The following CADM1 variants were observed in gnomAD, a reference collection of about 807,000 sequenced individuals.
CADM1 encodes the protein cell adhesion molecule 1, also known as TSLC-1.
A neutral mutation model predicts 53.1 loss-of-function variants in CADM1; 15 were observed. That is an observed-to-expected ratio of 0.28 (90% CI 0.19 to 0.44). The LOEUF (loss-of-function observed/expected upper bound fraction) is 0.44, where lower values mean the gene tolerates loss of function less well. CADM1 is among the 20% of genes least tolerant of loss of function. The pLI is 1.00. For missense variants in CADM1, 434 were observed against 611.3 expected, an observed-to-expected ratio of 0.71 and a Z score of 3.06; for synonymous variants, 281 against 243.0, an observed-to-expected ratio of 1.16 and a Z score of -1.45.
At chr11:115,350,564 A>T (rs1413765720) in intron 1 of CADM1, among the ~76,000 whole-genome samples, 1 of 150,132 alleles carries the variant, frequency 6.7e-6, no homozygotes, top group African/African-American at 2.4e-5. Context: ...ATATTTAAAC[A>T]TCAAATAGGA....
At position 115,398,130 on chromosome 11, in the gene CADM1, C is replaced by G. The variant is rs761902256; in HGVS notation, c.124+106141G>C. On this transcript the variant is annotated intron_variant, in intron 1 of 11. Transcript: ENST00000331581. ...TTCAAATTTCCTTAATCCCCTCTTC[C>G]GTGAGGTTTCTGCATTCAATGGCAG... 4.6e-5 allele frequency among the ~76,000 whole-genome samples: 7 copies of G among 152,276 alleles called. No individual in the cohort carries two copies. The South Asian group carries it at 1.4e-3, about 32-fold the overall frequency.
chr11:115,229,462 A>G (rs1419256751), intron 4 of CADM1, among the ~76,000 whole-genome samples, 191 bp from the exon 5 acceptor site: 1 of 152,206 alleles, frequency 6.6e-6, no homozygotes, highest in Non-Finnish European at 1.5e-5. Flanking sequence ...ATGACTTTTC[A>G]ACCAGGCAGC....
intron 1 of CADM1, among the ~76,000 whole-genome samples, chr11:115,348,796 AT>A (rs1945649900): frequency 6.6e-6 from 1 of 152,228 alleles, no homozygotes; most frequent in African/African-American, 2.4e-5. Flanking sequence ...GAAATAAAAC[AT>A]GATTAATTTC....
intron 1 of CADM1, among the ~76,000 whole-genome samples, chr11:115,416,673 A>G (rs112332569): frequency 6.7e-6 from 1 of 149,694 alleles, no homozygotes; most frequent in African/African-American, 2.5e-5. Context: ...AACCCCCTTC[A>G]TGCTGGTCAG....
intron 8 of CADM1, among the ~76,000 whole-genome samples, chr11:115,206,719 C>T (rs1940698353): frequency 7.9e-6 from 1 of 125,870 alleles, no homozygotes; most frequent in South Asian, 2.6e-4. Context: ...TCAGTTATTG[C>T]ATTTGACTGG....
At chr11:115,435,381 T>A (rs1948160229) in intron 1 of CADM1, among the ~76,000 whole-genome samples, 2 of 152,126 alleles carry the variant, frequency 1.3e-5, no homozygotes, top group Non-Finnish European at 2.9e-5. Context: ...ATCAAAAGAA[T>A]AATATTTCAT....
At chr11:115,501,554 C>T (rs894723003) in intron 1 of CADM1, among the ~76,000 whole-genome samples, 2 of 152,178 alleles carry the variant, frequency 1.3e-5, no homozygotes, top group Non-Finnish European at 2.9e-5. Context: ...TGAGCTTAAG[C>T]AAACCCATTT....
At chr11:115,394,065 T>G (rs187437319) in intron 1 of CADM1, among the ~76,000 whole-genome samples, 1 of 152,286 alleles carries the variant, frequency 6.6e-6, no homozygotes, top group Admixed American at 6.5e-5. Context: ...TAAAACAAAT[T>G]CAAACATTTA....
At chr11:115,412,372 T>A (rs1447975621) in intron 1 of CADM1, among the ~76,000 whole-genome samples, 5 of 152,074 alleles carry the variant, frequency 3.3e-5, no homozygotes, top group Admixed American at 6.6e-5. Flanking sequence ...TTTTTTAAAA[T>A]TTTTTTAGAG....
intron 1 of CADM1, among the ~76,000 whole-genome samples, chr11:115,260,696 G>A (rs965374618): frequency 4.6e-5 from 7 of 151,370 alleles, no homozygotes; most frequent in South Asian, 2.1e-4. Context: ...TTTTTCAGAC[G>A]GGGTCTCGCT....
intron 1 of CADM1, among the ~76,000 whole-genome samples, chr11:115,312,500 A>T (rs1944558038): frequency 6.6e-6 from 1 of 152,172 alleles, no homozygotes; most frequent in South Asian, 2.1e-4. Context: ...CTTATAGTAA[A>T]TCATACTCAG....
chr11:115,190,803 G>T, intron 10 of CADM1, 85 bp downstream of exon 10: 1 of 1,173,884 alleles, frequency 8.5e-7, no homozygotes, highest in Non-Finnish European at 1.2e-6. Context: ...TGATTGCTCA[G>T]CAAACCAAAT....
chr11:115,175,069 A>G lies in CADM1; in HGVS notation c.*1405T>C. On this transcript the variant is annotated 3_prime_UTR_variant, in exon 12 of 12. Coordinates refer to ENST00000331581, the MANE Select transcript of CADM1 (RefSeq NM_001301043.2). ...AGATGGTTCTTAAGGCTGAGGAAAGAGGCCAAGGCTAGTGTATGAAAGGTA... is the reference window on the plus strand; with the variant it reads ...AGATGGTTCTTAAGGCTGAGGAAAGGGGCCAAGGCTAGTGTATGAAAGGTA... 1 of 985,880 alleles carries G rather than the reference A, an allele frequency of 1.0e-6. No individual in the cohort carries two copies. The highest frequency in any genetic ancestry group is 1.2e-6 in the Non-Finnish European group (1 of 829,928). The allele number at this position is 985,880 out of a possible 1,614,324, so 61.1% of individuals were successfully genotyped here.
At chr11:115,329,808 T>C (rs1591714142) in intron 1 of CADM1, among the ~76,000 whole-genome samples, 2 of 151,934 alleles carry the variant, frequency 1.3e-5, no homozygotes. Context: ...GCAGGATGGA[T>C]AGGGAGCCGG....
chr11:115,196,623 A>AAAAAAAAAAAAAACC (rs1565291008), intron 9 of CADM1, among the ~76,000 whole-genome samples: 1 of 140,110 alleles, frequency 7.1e-6, no homozygotes, highest in Admixed American at 7.5e-5. Context: ...AAAAAAAATC[A>AAAAAAAAAAAAAACC]CAAAACAATC....
chr11:115,396,243 G>A (rs140604842), intron 1 of CADM1, among the ~76,000 whole-genome samples: 62 of 152,298 alleles, frequency 4.1e-4, no homozygotes, highest in African/African-American at 1.2e-3. Flanking sequence ...AGCAAAGGGC[G>A]CGTGTCCTTG....
At chr11:115,314,745 T>A (rs187469645) in intron 1 of CADM1, among the ~76,000 whole-genome samples, 1 of 152,232 alleles carries the variant, frequency 6.6e-6, no homozygotes, top group East Asian at 1.9e-4. Context: ...AGGCAAATGG[T>A]AACAAAAACA....
chr11:115,325,946 A>G (rs1009357014), intron 1 of CADM1, among the ~76,000 whole-genome samples: 2 of 152,228 alleles, frequency 1.3e-5, no homozygotes, highest in African/African-American at 4.8e-5. Context: ...GGCACCTGCA[A>G]TTGCTAGCAG....
intron 1 of CADM1, chr11:115,256,762 G>A (rs1444735761): frequency 2.2e-6 from 1 of 455,202 alleles, no homozygotes; most frequent in Non-Finnish European, 4.4e-6. Flanking sequence ...TATGGCAATT[G>A]CAATAGGTTC....
Sources: allele counts gnomAD v4.1 joint callset (sites outside exome capture counted in the v4.1 genomes callset), GRCh38; gene constraint gnomAD v4.1.1; transcripts MANE v1.5; gene names NCBI Gene and HGNC (gene_info 2026-07-23, HGNC 2026-07-21).